EXOC4: variants seen among roughly 807,000 people sequenced by gnomAD.
EXOC4 encodes the protein SEC8-like 1.
EXOC4 carries 71 observed loss-of-function variants against 107.2 expected under a neutral mutation model. The observed-to-expected ratio is 0.66, with a 90% CI of 0.55 to 0.81. EXOC4 has a LOEUF of 0.81. Ranked by LOEUF, EXOC4 falls within the 30% of genes least tolerant of loss-of-function variation. The pLI is 0.00. For synonymous variants in EXOC4, 456 were observed against 441.2 expected (o/e 1.03, Z -0.42); for missense variants, 1,108 against 1,189.6 (o/e 0.93, Z 1.01).
At chr7:133,929,742 G>A (rs1048380493) in intron 13 of EXOC4, among the ~76,000 whole-genome samples, 5 of 152,048 alleles carry the variant, frequency 3.3e-5, no homozygotes, top group African/African-American at 1.2e-4. Flanking sequence ...CCCTCAAGTA[G>A]TCCCATGTCT....
intron 10 of EXOC4, among the ~76,000 whole-genome samples, chr7:133,637,553 A>G (rs56003802): frequency 0.021 from 3,176 of 152,094 alleles, 113 homozygotes; most frequent in African/African-American, 0.073. Context: ...TAGATCACAT[A>G]TTATTCATGC....
intron 9 of EXOC4, among the ~76,000 whole-genome samples, chr7:133,560,420 G>A (rs944375855): frequency 2.6e-5 from 4 of 152,098 alleles, no homozygotes; most frequent in Non-Finnish European, 5.9e-5. Context: ...GAGTAGCTGG[G>A]ATTACAGGTG....
At chr7:133,757,937 A>G (rs953785861) in intron 10 of EXOC4, among the ~76,000 whole-genome samples, 9 of 152,194 alleles carry the variant, frequency 5.9e-5, no homozygotes, top group Non-Finnish European at 1.2e-4. Flanking sequence ...CTTTGAACTC[A>G]GGATGTCGAG....
the EXOC4 span, among the ~76,000 whole-genome samples, chr7:134,083,555 G>C: frequency 9.2e-5 from 14 of 152,148 alleles, no homozygotes; most frequent in African/African-American, 3.4e-4. Flanking sequence ...GGGCCAGTCT[G>C]GAACATCCAA....
intron 1 of EXOC4, among the ~76,000 whole-genome samples, chr7:133,265,617 A>T (rs1176573497): frequency 6.6e-6 from 1 of 152,054 alleles, no homozygotes; most frequent in Non-Finnish European, 1.5e-5. Context: ...CTGATAAGTG[A>T]TTTTTGGATA....
chr7:133,673,426 C>G (rs1793990012), intron 10 of EXOC4, among the ~76,000 whole-genome samples: 1 of 152,124 alleles, frequency 6.6e-6, no homozygotes, highest in Admixed American at 6.5e-5. Flanking sequence ...GAGAGTTAAC[C>G]TTGCATCTCC....
chr7:134,070,063 GT>G (rs201737977), downstream of EXOC4, among the ~76,000 whole-genome samples: 1 of 67,364 alleles, frequency 1.5e-5, no homozygotes, highest in Non-Finnish European at 2.8e-5. Flanking sequence ...GGAAAGCAAA[GT>G]GGGTGCTGAA....
chr7:134,062,495 G>T (rs1412794220), intron 17 of EXOC4, among the ~76,000 whole-genome samples: 1 of 152,168 alleles, frequency 6.6e-6, no homozygotes, highest in Non-Finnish European at 1.5e-5. Context: ...TCACGGCCCT[G>T]AGTCTAATAA....
chr7:133,458,901 C>T (rs952775430), intron 7 of EXOC4, among the ~76,000 whole-genome samples: 5 of 122,912 alleles, frequency 4.1e-5, no homozygotes, highest in South Asian at 5.8e-4. Context: ...AATATATTCT[C>T]AACTTCTGAA....
intron 10 of EXOC4, among the ~76,000 whole-genome samples, chr7:133,729,378 G>A (rs1325438881): frequency 6.6e-6 from 1 of 152,036 alleles, no homozygotes; most frequent in Non-Finnish European, 1.5e-5. Flanking sequence ...AATGCTATTT[G>A]CTTATTTGTC....
At chr7:134,070,108 G>A (rs1796252279), downstream of EXOC4, among the ~76,000 whole-genome samples, 1 of 152,216 alleles carries the variant, frequency 6.6e-6, no homozygotes, top group African/African-American at 2.4e-5. Context: ...TCTTAATGTG[G>A]CAGGAATGTA....
At chr7:133,353,913 T>G (rs1795966629) in intron 5 of EXOC4, among the ~76,000 whole-genome samples, 2 of 152,040 alleles carry the variant, frequency 1.3e-5, no homozygotes, top group Admixed American at 1.3e-4. Context: ...ATCCCTCTAG[T>G]GCATTTTTCA....
chr7:133,383,478 CAG>C (rs1298774285), intron 7 of EXOC4, among the ~76,000 whole-genome samples: 21 of 152,148 alleles, frequency 1.4e-4, no homozygotes, highest in African/African-American at 5.1e-4. Context: ...TTAATGGAGA[CAG>C]AATGTAAAAT....
At chr7:133,781,052 A>G (rs1796455327) in intron 10 of EXOC4, among the ~76,000 whole-genome samples, 1 of 152,302 alleles carries the variant, frequency 6.6e-6, no homozygotes, top group Non-Finnish European at 1.5e-5. Flanking sequence ...AGCAACCCCA[A>G]CAGGAGTAGA....
intron 9 of EXOC4, among the ~76,000 whole-genome samples, chr7:133,558,208 TTTC>T (rs1800736145): frequency 7.3e-6 from 1 of 136,322 alleles, no homozygotes; most frequent in African/African-American, 3.2e-5. Flanking sequence ...TTTCTTTTCT[TTTC>T]TTTTCTTTTC....
intron 10 of EXOC4, among the ~76,000 whole-genome samples, chr7:133,663,341 A>T (rs1464963616): frequency 6.6e-6 from 1 of 151,562 alleles, no homozygotes; most frequent in Non-Finnish European, 1.5e-5. Flanking sequence ...TTTCATGTAC[A>T]CTCACTTCCC....
At chr7:133,707,348 A>C (rs1794790040) in intron 10 of EXOC4, among the ~76,000 whole-genome samples, 1 of 151,814 alleles carries the variant, frequency 6.6e-6, no homozygotes, top group African/African-American at 2.4e-5. Context: ...ATGCCACTGC[A>C]CTCCAGCCTG....
chr7:133,563,377 G>A (rs1368956223), intron 9 of EXOC4, among the ~76,000 whole-genome samples: 2 of 152,146 alleles, frequency 1.3e-5, no homozygotes, highest in Admixed American at 6.5e-5. Flanking sequence ...GACTTTAATT[G>A]CCCTGCAGCT....
chr7:133,814,567 A>G (rs953547479), intron 10 of EXOC4, among the ~76,000 whole-genome samples: 1 of 152,192 alleles, frequency 6.6e-6, no homozygotes, highest in Non-Finnish European at 1.5e-5. Flanking sequence ...GGCGATAAAG[A>G]AATTCATCTG....
Sources: gnomAD v4.1 joint callset for allele counts (sites outside exome capture counted in the v4.1 genomes callset) on GRCh38, gnomAD v4.1.1 for gene constraint, MANE v1.5 for transcripts, NCBI Gene and HGNC (gene_info 2026-07-23, HGNC 2026-07-21) for gene names.